The following SORCS2 variants were observed in gnomAD, a reference collection of about 807,000 sequenced individuals.
SORCS2 encodes the protein sortilin related VPS10 domain containing receptor 2.
SORCS2 carries 100 observed loss-of-function variants against 141.6 expected under a neutral mutation model. That is an observed-to-expected ratio of 0.71 (90% CI 0.60 to 0.83). The LOEUF is 0.83. Ranked by LOEUF, SORCS2 falls within the 40% of genes least tolerant of loss-of-function variation. SORCS2 has a pLI of 0.00. For missense variants in SORCS2, 1,646 were observed against 1,560.2 expected (o/e 1.05, Z -0.93); for synonymous variants, 789 against 676.9 (o/e 1.17, Z -2.57).
chr4:7,699,845 G>A (rs185283673), intron 12 of SORCS2, among the ~76,000 whole-genome samples: 33 of 152,280 alleles, frequency 2.2e-4, no homozygotes, highest in African/African-American at 7.7e-4. Context: ...ACTCCTTCCT[G>A]GAGGGGAGCC....
At chr4:7,511,437 G>GAC (rs1217930692) in intron 2 of SORCS2, among the ~76,000 whole-genome samples, 2 of 107,146 alleles carry the variant, frequency 1.9e-5, no homozygotes, top group Admixed American at 2.0e-4. Context: ...CGGGGTTGGG[G>GAC]AGACACACAC....
At chr4:7,305,187 G>A (rs1015596755) in intron 1 of SORCS2, among the ~76,000 whole-genome samples, 26 of 151,858 alleles carry the variant, frequency 1.7e-4, no homozygotes, top group East Asian at 5.8e-4. Context: ...GCCTGCCACC[G>A]CGCCCGGCTA....
intron 2 of SORCS2, among the ~76,000 whole-genome samples, chr4:7,472,073 C>T (rs1730011045): frequency 6.6e-6 from 1 of 152,230 alleles, no homozygotes; most frequent in African/African-American, 2.4e-5. Flanking sequence ...GCTCCCTGCA[C>T]TGGGGGGCTG....
chr4:7,358,601 A>G (rs1396326081), intron 1 of SORCS2, among the ~76,000 whole-genome samples: 1 of 152,212 alleles, frequency 6.6e-6, no homozygotes, highest in Non-Finnish European at 1.5e-5. Flanking sequence ...CCCACCATGC[A>G]TGACTCGTGT....
At chr4:7,498,570 C>T (rs758100688) in intron 2 of SORCS2, among the ~76,000 whole-genome samples, 13 of 152,238 alleles carry the variant, frequency 8.5e-5, no homozygotes, top group Admixed American at 3.9e-4. Context: ...GCCAAGGCGG[C>T]CAGGCAGAGC....
Position 7,255,739 on chromosome 4 carries a change from T to C in SORCS2, c.480+62613T>C, listed in dbSNP as rs1273902342. Among the ~76,000 whole-genome samples, 3 of 152,232 alleles carry C rather than the reference T, an allele frequency of 2.0e-5. No homozygotes were observed. The East Asian group carries it at 5.8e-4, about 29-fold the overall frequency. ...TCATCTAACTAGGCCTGTGGTGTTA[T>C]CTGTCCACCTGCCACAGACAGGCCA... On this transcript the variant is annotated intron_variant, in intron 1 of 26. Coordinates refer to ENST00000507866, the MANE Select transcript of SORCS2 (RefSeq NM_020777.3).
intron 2 of SORCS2, among the ~76,000 whole-genome samples, chr4:7,428,562 G>T (rs1367848666): frequency 6.6e-6 from 1 of 152,216 alleles, no homozygotes; most frequent in Non-Finnish European, 1.5e-5. Flanking sequence ...GGAATAGCAG[G>T]TGGGGGCCGG....
chr4:7,589,260 G>T lies in SORCS2; in HGVS notation c.649-49068G>T, dbSNP rs73216605. On this transcript the variant is annotated intron_variant, in intron 3 of 26. Coordinates refer to ENST00000507866, the MANE Select transcript of SORCS2 (RefSeq NM_020777.3). ...GACATCAACAGTGAGAATGGAAGGAGGGGTCAGGTTTGGGAGGGACTTCGG... is the reference window on the plus strand; with the variant it reads ...GACATCAACAGTGAGAATGGAAGGATGGGTCAGGTTTGGGAGGGACTTCGG... Among the ~76,000 whole-genome samples the T allele has an allele frequency of 9.1e-3, 1,392 of 152,326 alleles. 10 individuals carry two copies. The highest frequency in any genetic ancestry group is 0.024 in the Middle Eastern group (7 of 294).
chr4:7,455,274 G>A (rs1183854406), intron 2 of SORCS2, among the ~76,000 whole-genome samples: 2 of 54,812 alleles, frequency 3.6e-5, no homozygotes, highest in African/African-American at 1.6e-4. Flanking sequence ...TGTGTGTTGG[G>A]GTCAGGTGCT....
chr4:7,711,136 A>G (rs1725803162), intron 14 of SORCS2, among the ~76,000 whole-genome samples: 1 of 152,194 alleles, frequency 6.6e-6, no homozygotes, highest in Non-Finnish European at 1.5e-5. Context: ...GCAGAGGCTT[A>G]GGGTTTCATC....
chr4:7,480,418 A>T (rs1409865895), intron 2 of SORCS2, among the ~76,000 whole-genome samples: 2 of 151,546 alleles, frequency 1.3e-5, no homozygotes, highest in Non-Finnish European at 2.9e-5. Flanking sequence ...CAGCACAGCA[A>T]TTCACAAAAA....
chr4:7,463,859 A>G (rs76195824), intron 2 of SORCS2, among the ~76,000 whole-genome samples: 26,795 of 152,144 alleles, frequency 0.18, 2,424 homozygotes, highest in African/African-American at 0.2. Context: ...CAGCTGTCAC[A>G]CTGGGAACCA....
chr4:7,728,272 G>A (rs1560117704), intron 21 of SORCS2, 78 bp from the exon 22 acceptor site: 2 of 1,026,880 alleles, frequency 1.9e-6, no homozygotes, highest in Non-Finnish European at 2.9e-6. Flanking sequence ...GCATGTGGCT[G>A]CCCCCGACCC....
At chr4:7,531,777 A>G (rs1424077485) in intron 3 of SORCS2, 148 bp downstream of exon 3, 5 of 777,820 alleles carry the variant, frequency 6.4e-6, no homozygotes, top group Middle Eastern at 2.7e-4. Flanking sequence ...TCTCACTGCC[A>G]CCCTTCCCGG....
At chr4:7,643,676 G>T (rs960464634) in intron 4 of SORCS2, among the ~76,000 whole-genome samples, 4 of 152,160 alleles carry the variant, frequency 2.6e-5, no homozygotes, top group African/African-American at 9.7e-5. Context: ...ACAAGAAAAA[G>T]AAAAACCCTC....
chr4:7,613,343 C>G (rs1718545815), intron 3 of SORCS2, among the ~76,000 whole-genome samples: 1 of 152,248 alleles, frequency 6.6e-6, no homozygotes. Flanking sequence ...GTCGCGGGCG[C>G]TGTCTGTTCA....
intron 1 of SORCS2, among the ~76,000 whole-genome samples, chr4:7,257,643 C>T (rs572514866): frequency 1.1e-4 from 17 of 152,328 alleles, no homozygotes; most frequent in Admixed American, 1.1e-3. Flanking sequence ...GAGCTCCAGG[C>T]TTGTCACCCG....
chr4:7,315,509 G>T (rs768984002), intron 1 of SORCS2, among the ~76,000 whole-genome samples: 1 of 150,236 alleles, frequency 6.7e-6, no homozygotes, highest in African/African-American at 2.4e-5. Context: ...GGACACCACT[G>T]GTCCTGGACC....
intron 3 of SORCS2, among the ~76,000 whole-genome samples, chr4:7,550,788 G>A (rs888715594): frequency 6.6e-6 from 1 of 152,188 alleles, no homozygotes; most frequent in Non-Finnish European, 1.5e-5. Context: ...AACAAAGTGG[G>A]GAGTGTGTGC....
Sources: gnomAD v4.1 joint callset for allele counts (sites outside exome capture counted in the v4.1 genomes callset) on GRCh38, gnomAD v4.1.1 for gene constraint, MANE v1.5 for transcripts, NCBI Gene and HGNC (gene_info 2026-07-23, HGNC 2026-07-21) for gene names.